TTLL10: variants seen among roughly 807,000 people sequenced by gnomAD.
TTLL10 encodes the protein tubulin tyrosine ligase like 10, also known as inactive polyglycylase TTLL10.
Under a neutral mutation model 69.0 loss-of-function variants are expected in TTLL10, and 61 were observed. That is an observed-to-expected ratio of 0.88 (90% CI 0.72 to 1.09). The LOEUF (loss-of-function observed/expected upper bound fraction) is 1.09. Among genes scored for constraint, TTLL10 ranks in the 50% least tolerant of loss-of-function variants. The probability of loss-of-function intolerance (pLI) is 0.00; values close to 1 mark genes in which losing one functional copy is unlikely to be tolerated. For synonymous variants in TTLL10, 408 were observed against 393.3 expected, an observed-to-expected ratio of 1.04 and a Z score of -0.44; for missense variants, 962 against 945.9, an observed-to-expected ratio of 1.02 and a Z score of -0.22.
chr1:1,180,499 A>G lies in TTLL10; in HGVS notation c.523A>G (p.Lys175Glu). Residue 175 changes from lysine (K) to glutamate (E), a missense_variant, in exon 7 of 16, where the codon AAA becomes GAA. Transcript: ENST00000379289. ...NGATIISSYCKSKGWQRIHDS... is the reference protein window; with the variant it reads ...NGATIISSYCESKGWQRIHDS... ...CCCTCGCAGCATCAGCTCCTACTGC[A>G]AAAGCAAGGGCTGGCAGCGCATCCA... 3 of 1,545,576 alleles carry G rather than the reference A, an allele frequency of 1.9e-6. No individual in the cohort carries two copies. The East Asian group carries it at 7.3e-5, about 38-fold the overall frequency.
chr1:1,183,050 G>A lies in TTLL10; in HGVS notation c.1088+3G>A. ...CCTCAGGCGCGGGTGGTGCAGAGGT[G>A]CGGCGGCGGGTGCCCGGAGGGGTGA... On this transcript the variant is annotated splice_donor_region_variant and intron_variant, in intron 11 of 15. Transcript: ENST00000379289. 1 of 1,593,520 alleles carries A rather than the reference G, an allele frequency of 6.3e-7. No individual in the cohort carries two copies. Among genetic ancestry groups the A allele is most frequent in the Non-Finnish European group, 8.5e-7 (1 of 1,170,678 alleles).
At chr1:1,175,639 C>T (rs1251530592) in intron 3 of TTLL10, 1 of 449,988 alleles carries the variant, frequency 2.2e-6, no homozygotes, top group Non-Finnish European at 4.5e-6. Flanking sequence ...ATCACCACAG[C>T]CCTGCAGACT....
At chr1:1,189,898 G>A (rs557631660) in intron 13 of TTLL10, among the ~76,000 whole-genome samples, 1 of 152,178 alleles carries the variant, frequency 6.6e-6, no homozygotes, top group South Asian at 2.1e-4. Context: ...GGATCATGAG[G>A]TCAGGAGATC....
Position 1,181,869 on chromosome 1 carries a change from C to G in TTLL10, c.830+54C>G. ...TTCAGACCGAAGTTCAGACCTAAAC[C>G]TGGTGTCGTCTGAAAAGGAGAAAGC... On this transcript the variant is annotated intron_variant, in intron 9 of 15. Coordinates refer to ENST00000379289, the MANE Select transcript of TTLL10 (RefSeq NM_001130045.2). This position sits in a 1 kb window ranked among gnomAD's most constrained non-coding sequence, Gnocchi z 4.6. The G allele has an allele frequency of 6.7e-7, 1 of 1,491,940 alleles. No homozygotes were observed. The allele number at this position is 1,491,940 out of a possible 1,614,324, so 92.4% of individuals were successfully genotyped here.
chr1:1,195,369 C>T (rs909854316), intron 13 of TTLL10, among the ~76,000 whole-genome samples: 1 of 152,132 alleles, frequency 6.6e-6, no homozygotes, highest in Non-Finnish European at 1.5e-5. Flanking sequence ...CTGTTGAGCA[C>T]TTCTAGTGCA....
In TTLL10 at chr1:1,182,539, T is replaced by C. The variant is rs542672760; in HGVS notation, c.916+93T>C. ...GGGCTGATGAGGGCAGGGCTGGGTC[T>C]GGAGGGGCTGCGTGGGGCTGGGACG... On this transcript the variant is annotated intron_variant, in intron 10 of 15. Transcript: ENST00000379289. 60 of 1,327,486 alleles carry C rather than the reference T, an allele frequency of 4.5e-5. No individual in the cohort carries two copies. In the African/African-American group the frequency reaches 7.3e-4, roughly 16 times the overall value. 82.2% of individuals were successfully genotyped at this position (1,327,486 alleles called of 1,614,324 possible).
chr1:1,184,532 C>T (rs1487770377), intron 12 of TTLL10, among the ~76,000 whole-genome samples: 1 of 152,136 alleles, frequency 6.6e-6, no homozygotes, highest in East Asian at 1.9e-4. Context: ...TCTGTGGGGT[C>T]CTCACGGCTG....
chr1:1,197,381 C>T (rs1648298446), intron 15 of TTLL10, 57 bp from the exon 16 acceptor site: 6 of 774,144 alleles, frequency 7.8e-6, no homozygotes, highest in Admixed American at 2.6e-5. Context: ...ACCCTCCCCA[C>T]CCCCTCCAGC....
rs57122719 is a variant in TTLL10 at position 1,188,405 on chromosome 1, A to ATTT, written c.1401+3312_1401+3314dup. Among the ~76,000 whole-genome samples, 339 of 140,378 alleles carry ATTT rather than the reference A, an allele frequency of 2.4e-3. 3 individuals are homozygous for ATTT. Among genetic ancestry groups the ATTT allele is most frequent in the East Asian group, 0.013 (61 of 4,796 alleles). 92.1% of individuals were successfully genotyped at this position (140,378 alleles called of 152,430 possible). On this transcript the variant is annotated intron_variant, in intron 13 of 15. Coordinates refer to ENST00000379289, the MANE Select transcript of TTLL10 (RefSeq NM_001130045.2). ...ATTTCTGGGGAAAAAGTCCAATGAA[A>ATTT]TTTTTTTTTTTTTTTTTTGAGACAG...
chr1:1,179,313 G>C lies in TTLL10; in HGVS notation c.98G>C (p.Arg33Thr). 3 of 1,551,308 alleles carry C rather than the reference G, an allele frequency of 1.9e-6. No individual in the cohort carries two copies. The highest frequency in any genetic ancestry group is 1.7e-4 in the Middle Eastern group (1 of 5,988). The change falls in exon 4 of 16, where the codon AGG becomes ACG. Residue 33 changes from arginine (R) to threonine (T), a missense_variant. By Grantham distance (71) the Arg-to-Thr change is moderately conservative (BLOSUM62 -1). Transcript: ENST00000379289. Reference sequence around the variant, plus strand: ...GGCAAGAGGCCAAGGATCCAGCAGAGGCCTCGGGCTCGAGTCTCAGGTGAA... The same window carrying C: ...GGCAAGAGGCCAAGGATCCAGCAGACGCCTCGGGCTCGAGTCTCAGGTGAA... ...KRGKRPRIQQRPRARVSGTIP... is the reference protein window; with the variant it reads ...KRGKRPRIQQTPRARVSGTIP...
At position 1,179,342 on chromosome 1, in the gene TTLL10, A is replaced by G; in HGVS notation, c.118+9A>G. The G allele has an allele frequency of 6.4e-7, 1 of 1,550,552 alleles. No homozygotes were observed. Among genetic ancestry groups the G allele is most frequent in the Non-Finnish European group, 8.7e-7 (1 of 1,146,248 alleles). ...TCGGGCTCGAGTCTCAGGTGAATAG[A>G]GCAGCCCTGGGTGGCCTCCTACCTC... On this transcript the variant is annotated intron_variant, in intron 4 of 15. Transcript: ENST00000379289.
Position 1,197,829 on chromosome 1 carries a change from T to G in TTLL10, c.2004T>G (p.Pro668=). The change falls in exon 16 of 16, where the codon CCT becomes CCG. Residue 668 remains proline, a synonymous_variant. Coordinates refer to ENST00000379289, the MANE Select transcript of TTLL10 (RefSeq NM_001130045.2). ...CAGCCAAGGAGGAACGCGAGGAGCC[T>G]GAGAACGCGAGGCCCTAGGGGCAGC... ...PGTAKEEREE[P]ENARP is the part of the protein sequence containing the mutation. 6.7e-7 allele frequency: 1 copy of G among 1,500,710 alleles called. No homozygotes were observed. The allele number at this position is 1,500,710 out of a possible 1,614,324, so 93.0% of individuals were successfully genotyped here. A position where few individuals can be genotyped will look rare whatever the true frequency, so the allele number is the denominator to read the frequency against.
chr1:1,182,495 G>GA lies in TTLL10; in HGVS notation c.916+50dup, dbSNP rs778540960. 112 of 1,592,928 alleles carry GA rather than the reference G, an allele frequency of 7.0e-5. No homozygotes were observed. In the African/African-American group the frequency reaches 1.3e-3, roughly 19 times the overall value. On this transcript the variant is annotated intron_variant, in intron 10 of 15. Coordinates refer to ENST00000379289, the MANE Select transcript of TTLL10 (RefSeq NM_001130045.2). ...CAGGCTGGCCCTGGGGAGACAGGGT[G>GA]AGGGCTGGACCAAGGCGGGGGCTGA...
In TTLL10 at chr1:1,182,314, A is replaced by G. The variant is rs754289868; in HGVS notation, c.831-47A>G. ...TGGGCCTCAAACCGCCCACCCAGCC[A>G]GGGGCGAAGGGACAGCAGCTCATCC... is the stretch of plus-strand genomic sequence containing the variant. On this transcript the variant is annotated intron_variant, in intron 9 of 15. Coordinates refer to ENST00000379289, the MANE Select transcript of TTLL10 (RefSeq NM_001130045.2). The G allele has an allele frequency of 2.6e-6, 4 of 1,564,298 alleles. No individual in the cohort carries two copies. The Admixed American group carries it at 5.0e-5, about 20-fold the overall frequency.
Position 1,176,535 on chromosome 1 carries a change from C to G in TTLL10, c.-28+2046C>G, listed in dbSNP as rs184456696. The G allele has an allele frequency of 1.5e-3, 585 of 395,422 alleles. 3 individuals are homozygous for G. Among genetic ancestry groups the G allele is most frequent in the African/African-American group, 0.012 (557 of 48,106 alleles). The allele number at this position is 395,422 out of a possible 1,614,324, so 24.5% of individuals were successfully genotyped here. Reference sequence around the variant, plus strand: ...ACCTTTTCCCACCTCCACACCTTTTCCCACCTCCACACCTGGTAGGCCAGG... The same window carrying G: ...ACCTTTTCCCACCTCCACACCTTTTGCCACCTCCACACCTGGTAGGCCAGG... On this transcript the variant is annotated intron_variant, in intron 3 of 15. Transcript: ENST00000379289.
Position 1,195,137 on chromosome 1 carries a change from C to T in TTLL10, c.1402-1463C>T, listed in dbSNP as rs567358270. 2.6e-4 allele frequency among the ~76,000 whole-genome samples: 40 copies of T among 152,208 alleles called. 1 individual carries two copies. The South Asian group carries it at 6.0e-3, about 23-fold the overall frequency. ...TCCCAAGTAGCTGGGACTACAGGCA[C>T]GCACCATCACATCTGGCTAATTTTT... On this transcript the variant is annotated intron_variant, in intron 13 of 15. Coordinates refer to ENST00000379289, the MANE Select transcript of TTLL10 (RefSeq NM_001130045.2).
chr1:1,175,932 G>T (rs757713385), intron 3 of TTLL10: 19 of 442,774 alleles, frequency 4.3e-5, no homozygotes, highest in South Asian at 3.0e-4. Flanking sequence ...CCGCTGTGCA[G>T]GTGGAGAGAG....
Position 1,191,171 on chromosome 1 carries a change from T to C in TTLL10, c.1402-5429T>C, listed in dbSNP as rs149509696. On this transcript the variant is annotated intron_variant, in intron 13 of 15. Transcript: ENST00000379289. ...AGCTTTTCTTTGACCCATTGGTTGCTTAAGGGCCTGTTATTTAATTTCCAC... is the reference window on the plus strand; with the variant it reads ...AGCTTTTCTTTGACCCATTGGTTGCCTAAGGGCCTGTTATTTAATTTCCAC... Among the ~76,000 whole-genome samples the C allele has an allele frequency of 9.3e-3, 1,417 of 152,376 alleles. 11 individuals are homozygous for C. Among genetic ancestry groups the C allele is most frequent in the Middle Eastern group, 0.037 (11 of 294 alleles).
intron 3 of TTLL10, among the ~76,000 whole-genome samples, chr1:1,178,907 C>T (rs1367673935): frequency 6.6e-6 from 1 of 152,170 alleles, no homozygotes; most frequent in Non-Finnish European, 1.5e-5. Flanking sequence ...TCCTTCCAGC[C>T]GGCACCCAGG....
Sources: allele counts gnomAD v4.1 joint callset (sites outside exome capture counted in the v4.1 genomes callset), GRCh38; gene constraint gnomAD v4.1.1; non-coding constraint Gnocchi (gnomAD v3.1); transcripts MANE v1.5; gene names NCBI Gene and HGNC (gene_info 2026-07-23, HGNC 2026-07-21).